The following GALNTL6 variants were observed in gnomAD, a reference collection of about 807,000 sequenced individuals.
GALNTL6 encodes polypeptide N-acetylgalactosaminyltransferase-like 6.
Under a neutral mutation model 73.7 loss-of-function variants are expected in GALNTL6, and 46 were observed. The observed-to-expected ratio is 0.62, with a 90% CI of 0.49 to 0.80. The LOEUF is 0.80. Among genes scored for constraint, GALNTL6 ranks in the 30% least tolerant of loss-of-function variants. The probability of loss-of-function intolerance (pLI) is 0.00; values close to 1 mark genes in which losing one functional copy is unlikely to be tolerated. For missense variants in GALNTL6, 604 were observed against 755.0 expected (o/e 0.80, Z 2.34); for synonymous variants, 259 against 263.7 (o/e 0.98, Z 0.17).
chr4:172,562,995 T>C (rs1364277489), intron 5 of GALNTL6, among the ~76,000 whole-genome samples: 1 of 152,228 alleles, frequency 6.6e-6, no homozygotes, highest in Non-Finnish European at 1.5e-5. Context: ...ACAGTGTTCC[T>C]ATAGCTGACT....
chr4:171,872,884 A>G (rs1199336326), intron 2 of GALNTL6, among the ~76,000 whole-genome samples: 1 of 152,170 alleles, frequency 6.6e-6, no homozygotes, highest in Non-Finnish European at 1.5e-5. Flanking sequence ...GACATAATTC[A>G]ACCCATAACG....
rs574267885 is a variant in GALNTL6, at chr4:172,534,591, C to T, written c.553+185902C>T. The stretch of plus-strand genomic sequence containing the variant: ...CTAAATGAGAAATTTTTTTTTTTGA[C>T]GGAGTCTCACTCTATTGCCTAGGTT... On this transcript the variant is annotated intron_variant, in intron 5 of 12. Coordinates refer to ENST00000506823, the MANE Select transcript of GALNTL6 (RefSeq NM_001034845.3). Among the ~76,000 whole-genome samples the T allele has an allele frequency of 2.3e-4, 34 of 149,706 alleles. No individual in the cohort carries two copies. In the South Asian group the frequency reaches 3.8e-3, roughly 17 times the overall value.
chr4:171,885,446 T>C (rs1736581858), intron 2 of GALNTL6, among the ~76,000 whole-genome samples: 1 of 152,208 alleles, frequency 6.6e-6, no homozygotes, highest in Non-Finnish European at 1.5e-5. Flanking sequence ...TGGCTGCAAA[T>C]GCTCACTGGG....
At position 172,247,277 on chromosome 4, in the gene GALNTL6, A is replaced by G. The variant is rs531664058; in HGVS notation, c.247+17513A>G. Among the ~76,000 whole-genome samples the G allele has an allele frequency of 3.2e-3, 487 of 152,240 alleles. 2 individuals are homozygous for G. The highest frequency in any genetic ancestry group is 0.011 in the African/African-American group (464 of 41,568). ...TCTCTACCACAAGCTCTGGGACCCT[A>G]GGGGCTCCTGAAGCCACATATCATC... On this transcript the variant is annotated intron_variant, in intron 3 of 12. Coordinates refer to ENST00000506823, the MANE Select transcript of GALNTL6 (RefSeq NM_001034845.3).
chr4:171,993,803 CATATATATGT>C (rs1740409112), intron 2 of GALNTL6, among the ~76,000 whole-genome samples: 1 of 150,978 alleles, frequency 6.6e-6, no homozygotes, highest in South Asian at 2.1e-4. Flanking sequence ...TATATATATA[CATATATATGT>C]ATATATATGT....
At chr4:172,615,782 T>G (rs1211895212) in intron 5 of GALNTL6, among the ~76,000 whole-genome samples, 1 of 152,160 alleles carries the variant, frequency 6.6e-6, no homozygotes, top group East Asian at 1.9e-4. Flanking sequence ...CCCCTTACAT[T>G]CAAATTCATT....
intron 2 of GALNTL6, among the ~76,000 whole-genome samples, chr4:172,105,259 T>A (rs10026247): frequency 0.41 from 61,585 of 151,728 alleles, 13,056 homozygotes; most frequent in African/African-American, 0.5. Flanking sequence ...AGTAAATGAC[T>A]TAACTAATGA....
At chr4:172,223,018 C>T (rs938400761) in intron 2 of GALNTL6, among the ~76,000 whole-genome samples, 2 of 151,944 alleles carry the variant, frequency 1.3e-5, no homozygotes, top group African/African-American at 4.8e-5. Context: ...TACATAACAA[C>T]ACCCATTTCC....
rs1025009467 is a variant in GALNTL6 at position 172,099,934 on chromosome 4, G to A, written c.139-129722G>A. ...GGGAGTCACCAAGAGTGTTGGCTTG[G>A]TGCAAATACTACTACCACCACTGAA... On this transcript the variant is annotated intron_variant, in intron 2 of 12. Transcript: ENST00000506823. 4.6e-5 allele frequency among the ~76,000 whole-genome samples: 7 copies of A among 151,992 alleles called. No homozygotes were observed. The East Asian group carries it at 9.7e-4, about 21-fold the overall frequency.
intron 5 of GALNTL6, among the ~76,000 whole-genome samples, chr4:172,710,330 A>G (rs1260022605): frequency 6.6e-6 from 1 of 152,188 alleles, no homozygotes; most frequent in Non-Finnish European, 1.5e-5. Flanking sequence ...CACACACACA[A>G]GCATAAGGAT....
intron 2 of GALNTL6, among the ~76,000 whole-genome samples, chr4:172,083,746 G>A (rs184465603): frequency 3.4e-4 from 52 of 152,000 alleles, no homozygotes; most frequent in African/African-American, 1.1e-3. Flanking sequence ...TTGTCTATTC[G>A]CTTGTTTTTT....
chr4:171,845,944 A>G (rs1735357099), intron 2 of GALNTL6, among the ~76,000 whole-genome samples: 1 of 152,168 alleles, frequency 6.6e-6, no homozygotes, highest in East Asian at 1.9e-4. Flanking sequence ...AAATTTTCTT[A>G]TATAATATTT....
chr4:172,167,915 C>T (rs919167026), intron 2 of GALNTL6, among the ~76,000 whole-genome samples: 6 of 148,492 alleles, frequency 4.0e-5, no homozygotes, highest in Admixed American at 6.8e-5. Context: ...GCCGAGATTG[C>T]GCCACTGCAG....
chr4:172,542,863 C>A (rs904638369), intron 5 of GALNTL6, among the ~76,000 whole-genome samples: 1 of 151,774 alleles, frequency 6.6e-6, no homozygotes, highest in African/African-American at 2.4e-5. Flanking sequence ...GAGGCGCAGG[C>A]GGGTGGATCA....
Position 171,912,338 on chromosome 4 carries a change from A to G in GALNTL6, c.138+97620A>G, listed in dbSNP as rs533814058. On this transcript the variant is annotated intron_variant, in intron 2 of 12. Coordinates refer to ENST00000506823, the MANE Select transcript of GALNTL6 (RefSeq NM_001034845.3). ...TTTGCCATTTCTTTTAATTTGAAAG[A>G]TCTTTAAAGTCTATTCTACAGTAAG... 2.2e-3 allele frequency among the ~76,000 whole-genome samples: 329 copies of G among 152,266 alleles called. 1 individual carries two copies. The highest frequency in any genetic ancestry group is 4.1e-3 in the Non-Finnish European group (282 of 68,008).
chr4:172,113,980 TCTTA>T (rs1327501865), intron 2 of GALNTL6, among the ~76,000 whole-genome samples: 1 of 152,118 alleles, frequency 6.6e-6, no homozygotes, highest in African/African-American at 2.4e-5. Flanking sequence ...CTACTCAATC[TCTTA>T]CTTATTGAAA....
chr4:172,344,870 G>A (rs1353861207), intron 4 of GALNTL6, among the ~76,000 whole-genome samples: 1 of 152,088 alleles, frequency 6.6e-6, no homozygotes, highest in Non-Finnish European at 1.5e-5. Context: ...ATTCATCTTT[G>A]TATCCTAAAT....
intron 5 of GALNTL6, among the ~76,000 whole-genome samples, chr4:172,652,842 T>C (rs1740537935): frequency 1.3e-5 from 2 of 152,194 alleles, no homozygotes; most frequent in Non-Finnish European, 2.9e-5. Context: ...TTTTCCAATA[T>C]AAGAAGGTTT....
At chr4:172,056,713 A>G (rs542341247) in intron 2 of GALNTL6, among the ~76,000 whole-genome samples, 1 of 152,070 alleles carries the variant, frequency 6.6e-6, no homozygotes, top group East Asian at 1.9e-4. Context: ...TAAATAAAAT[A>G]AGCATTTTGA....
Sources: allele counts gnomAD v4.1 joint callset (sites outside exome capture counted in the v4.1 genomes callset), GRCh38; gene constraint gnomAD v4.1.1; transcripts MANE v1.5; gene names NCBI Gene and HGNC (gene_info 2026-07-23, HGNC 2026-07-21).